TMEM132D: variants seen among roughly 807,000 people sequenced by gnomAD.
The protein encoded by TMEM132D is transmembrane protein 132D, also known as mature OL transmembrane protein.
TMEM132D carries 21 observed loss-of-function variants against 62.3 expected under a neutral mutation model. The observed-to-expected ratio is 0.34, with a 90% CI of 0.24 to 0.49. The LOEUF is 0.49. Ranked by LOEUF, TMEM132D falls within the 20% of genes least tolerant of loss-of-function variation. The pLI is 0.99. For missense variants in TMEM132D, 1,346 were observed against 1,402.8 expected (o/e 0.96, Z 0.65); for synonymous variants, 621 against 575.6 (o/e 1.08, Z -1.13).
chr12:129,885,676 TG>T (rs1874729765), intron 1 of TMEM132D, among the ~76,000 whole-genome samples: 1 of 152,234 alleles, frequency 6.6e-6, no homozygotes, highest in Non-Finnish European at 1.5e-5. Flanking sequence ...ATTTCAAAAG[TG>T]GTATCTAATA....
chr12:129,260,096 A>C (rs563394647), intron 4 of TMEM132D, among the ~76,000 whole-genome samples: 1 of 152,296 alleles, frequency 6.6e-6, no homozygotes, highest in South Asian at 2.1e-4. Context: ...AAAGCTTCGA[A>C]ATGAAAGAGG....
intron 4 of TMEM132D, among the ~76,000 whole-genome samples, chr12:129,258,490 C>G (rs924616308): frequency 6.6e-6 from 1 of 152,116 alleles, no homozygotes; most frequent in Non-Finnish European, 1.5e-5. Flanking sequence ...CTTGTGAACA[C>G]CCATTGGGAG....
chr12:129,148,951 G>A (rs1293175993), intron 5 of TMEM132D, among the ~76,000 whole-genome samples: 1 of 152,072 alleles, frequency 6.6e-6, no homozygotes, highest in Non-Finnish European at 1.5e-5. Context: ...GAAGGGAGGT[G>A]TTCTCCAGCG....
intron 1 of TMEM132D, among the ~76,000 whole-genome samples, chr12:129,874,700 C>CTTTTTT (rs71085583): frequency 5.1e-5 from 6 of 117,904 alleles, no homozygotes; most frequent in Non-Finnish European, 6.7e-5. Context: ...TCACATTTTT[C>CTTTTTT]TTTTTTTTTT....
intron 4 of TMEM132D, among the ~76,000 whole-genome samples, chr12:129,273,696 T>C (rs1880922668): frequency 6.6e-6 from 1 of 151,830 alleles, no homozygotes. Context: ...TGTTCTCATT[T>C]ATAAGCGGGA....
intron 3 of TMEM132D, among the ~76,000 whole-genome samples, chr12:129,392,926 T>TCAATTGACAATATGA (rs1181360655): frequency 6.6e-6 from 1 of 152,180 alleles, no homozygotes; most frequent in Non-Finnish European, 1.5e-5. Context: ...GTTGTCAATG[T>TCAATTGACAATATGA]CAATTATGAT....
At chr12:129,896,764 A>T (rs1875151746) in intron 1 of TMEM132D, among the ~76,000 whole-genome samples, 1 of 152,172 alleles carries the variant, frequency 6.6e-6, no homozygotes, top group South Asian at 2.1e-4. Context: ...TTGTCTTTCC[A>T]AATGTACATC....
intron 4 of TMEM132D, among the ~76,000 whole-genome samples, chr12:129,321,865 G>A (rs1247549216): frequency 6.6e-6 from 1 of 152,236 alleles, no homozygotes; most frequent in Non-Finnish European, 1.5e-5. Flanking sequence ...GGCCGAGGCA[G>A]ACCTTTTCAG....
chr12:129,228,967 G>T (rs538557104), intron 4 of TMEM132D, among the ~76,000 whole-genome samples: 19 of 152,238 alleles, frequency 1.2e-4, no homozygotes, highest in Non-Finnish European at 2.6e-4. Flanking sequence ...GCATCATTCA[G>T]TGAATGTGTC....
chr12:129,454,303 A>C (rs1337709100), intron 3 of TMEM132D, among the ~76,000 whole-genome samples: 1 of 152,208 alleles, frequency 6.6e-6, no homozygotes, highest in African/African-American at 2.4e-5. Flanking sequence ...TCTCAGTATC[A>C]AAGTTCCATT....
intron 3 of TMEM132D, among the ~76,000 whole-genome samples, chr12:129,353,570 G>C (rs886373632): frequency 4.6e-5 from 7 of 152,092 alleles, no homozygotes; most frequent in South Asian, 2.1e-4. Flanking sequence ...GGAGAAGGCA[G>C]CATTGCAGTT....
intron 4 of TMEM132D, among the ~76,000 whole-genome samples, chr12:129,316,135 C>T (rs1868482285): frequency 6.6e-6 from 1 of 151,950 alleles, no homozygotes; most frequent in South Asian, 2.1e-4. Context: ...GTTGTTCTTT[C>T]AATTTTATTT....
At chr12:129,226,742 A>C (rs1287969013) in intron 4 of TMEM132D, among the ~76,000 whole-genome samples, 2 of 152,200 alleles carry the variant, frequency 1.3e-5, no homozygotes, top group Non-Finnish European at 2.9e-5. Context: ...AGTTTGAACA[A>C]ACACATTTGC....
chr12:129,498,311 T>G (rs1046130419), intron 3 of TMEM132D, among the ~76,000 whole-genome samples: 1 of 152,006 alleles, frequency 6.6e-6, no homozygotes, highest in African/African-American at 2.4e-5. Context: ...TGGAGTGCAG[T>G]GGCACGATCT....
intron 1 of TMEM132D, among the ~76,000 whole-genome samples, chr12:129,811,625 CAA>C (rs1437327730): frequency 6.6e-6 from 1 of 151,754 alleles, no homozygotes; most frequent in Non-Finnish European, 1.5e-5. Context: ...ATGGACTTCG[CAA>C]ATATGAAGAA....
At chr12:129,279,790 T>A (rs1365092564) in intron 4 of TMEM132D, among the ~76,000 whole-genome samples, 2 of 152,202 alleles carry the variant, frequency 1.3e-5, no homozygotes, top group African/African-American at 4.8e-5. Flanking sequence ...AAGCGTCCGA[T>A]GGTGATCTCA....
chr12:129,490,261 CA>C (rs1355068796), intron 3 of TMEM132D, among the ~76,000 whole-genome samples: 1 of 152,086 alleles, frequency 6.6e-6, no homozygotes, highest in Non-Finnish European at 1.5e-5. Context: ...ACATCCATCT[CA>C]GTGCACTCAA....
chr12:129,319,320 CT>C (rs1868604910), intron 4 of TMEM132D, among the ~76,000 whole-genome samples: 1 of 152,184 alleles, frequency 6.6e-6, no homozygotes, highest in South Asian at 2.1e-4. Context: ...GGCTCTCTAA[CT>C]TGACTCAGCC....
intron 3 of TMEM132D, among the ~76,000 whole-genome samples, chr12:129,345,555 T>C (rs1050559835): frequency 1.6e-4 from 24 of 152,326 alleles, no homozygotes; most frequent in African/African-American, 5.5e-4. Context: ...GCTGGAACTA[T>C]GGGCTTTAAT....
Sources: gnomAD v4.1 joint callset for allele counts (sites outside exome capture counted in the v4.1 genomes callset) on GRCh38, gnomAD v4.1.1 for gene constraint, MANE v1.5 for transcripts, NCBI Gene and HGNC (gene_info 2026-07-23, HGNC 2026-07-21) for gene names.